LRP1B: variants seen among roughly 807,000 people sequenced by gnomAD.
LRP1B encodes LDL receptor related protein 1B.
In LRP1B, 217 loss-of-function variants were observed where a neutral mutation model predicts 556.6. The observed-to-expected ratio is 0.39, with a 90% confidence interval of 0.35 to 0.44. The LOEUF is 0.44. Ranked by LOEUF, LRP1B falls within the 20% of genes least tolerant of loss-of-function variation. The pLI is 1.00. For synonymous variants in LRP1B, 2,047 were observed against 1,865.8 expected, an observed-to-expected ratio of 1.10 and a Z score of -2.50; for missense variants, 5,053 against 5,620.8, an observed-to-expected ratio of 0.90 and a Z score of 3.23.
chr2:140,725,360 C>T (rs561178043), intron 35 of LRP1B, among the ~76,000 whole-genome samples: 27 of 151,856 alleles, frequency 1.8e-4, no homozygotes, highest in African/African-American at 5.8e-4. Context: ...CACTCTCCCA[C>T]CCATATTGAT....
chr2:141,974,148 C>T (rs1701819753), intron 1 of LRP1B, among the ~76,000 whole-genome samples: 1 of 151,962 alleles, frequency 6.6e-6, no homozygotes, highest in Non-Finnish European at 1.5e-5. Flanking sequence ...TAATTAGGAG[C>T]TTCCTTCTGA....
intron 1 of LRP1B, among the ~76,000 whole-genome samples, chr2:141,822,935 G>A (rs1696803553): frequency 6.6e-6 from 1 of 152,180 alleles, no homozygotes; most frequent in South Asian, 2.1e-4. Flanking sequence ...TGCTGGAAGA[G>A]CAATGAAAAT....
At chr2:142,030,269 A>G (rs1359148173) in intron 1 of LRP1B, among the ~76,000 whole-genome samples, 2 of 151,942 alleles carry the variant, frequency 1.3e-5, no homozygotes, top group Non-Finnish European at 2.9e-5. Context: ...TAAAAGGATG[A>G]GTCATTAAAA....
At chr2:140,636,556 C>T (rs919457274) in intron 41 of LRP1B, among the ~76,000 whole-genome samples, 25 of 152,080 alleles carry the variant, frequency 1.6e-4, no homozygotes, top group African/African-American at 6.0e-4. Flanking sequence ...ACTTAAATCT[C>T]ATTGTCTATT....
At chr2:140,567,447 C>A (rs1455494089) in intron 43 of LRP1B, among the ~76,000 whole-genome samples, 1 of 152,162 alleles carries the variant, frequency 6.6e-6, no homozygotes, top group East Asian at 1.9e-4. Context: ...TCCAGAGAAT[C>A]CTTTCTTCCT....
chr2:140,425,824 T>A (rs1363740539), intron 66 of LRP1B, among the ~76,000 whole-genome samples: 1 of 152,044 alleles, frequency 6.6e-6, no homozygotes, highest in Non-Finnish European at 1.5e-5. Flanking sequence ...GTTGTGAGAA[T>A]TAAATAATAT....
In LRP1B at chr2:141,303,331, T is replaced by C. The variant is rs1573776685; in HGVS notation, c.344-48690A>G. On this transcript the variant is annotated intron_variant, in intron 3 of 90. Transcript: ENST00000389484. Reference sequence around the variant, plus strand: ...TTATTTTGAAATACACAATACATTGTTGTAAACTGTATTCACTCTACTCTG... The same window carrying C: ...TTATTTTGAAATACACAATACATTGCTGTAAACTGTATTCACTCTACTCTG... Among the ~76,000 whole-genome samples the C allele has an allele frequency of 2.6e-5, 4 of 152,226 alleles. No individual in the cohort carries two copies. In the East Asian group the frequency reaches 7.7e-4, roughly 29 times the overall value.
chr2:141,475,834 T>C (rs1682685126), intron 3 of LRP1B, among the ~76,000 whole-genome samples: 1 of 152,094 alleles, frequency 6.6e-6, no homozygotes. Flanking sequence ...CACCATCCCT[T>C]TTCCAGCTTC....
chr2:142,078,048 A>G (rs1368519850), intron 1 of LRP1B, among the ~76,000 whole-genome samples: 4 of 152,074 alleles, frequency 2.6e-5, no homozygotes, highest in Non-Finnish European at 5.9e-5. Flanking sequence ...CACCTGCTAA[A>G]CATTCTTTAT....
chr2:141,254,439 T>G, intron 4 of LRP1B, 83 bp downstream of exon 4: 3 of 1,346,010 alleles, frequency 2.2e-6, no homozygotes, highest in Non-Finnish European at 2.1e-6. Flanking sequence ...GAGCACATGG[T>G]AGGTGCTCAA....
intron 60 of LRP1B, among the ~76,000 whole-genome samples, chr2:140,474,806 T>C (rs1363192114): frequency 6.6e-6 from 1 of 152,032 alleles, no homozygotes; most frequent in Non-Finnish European, 1.5e-5. Context: ...TTTGCAGTAA[T>C]AGCCTCATAT....
chr2:141,322,100 T>A (rs764989293), intron 3 of LRP1B, among the ~76,000 whole-genome samples: 7 of 152,206 alleles, frequency 4.6e-5, no homozygotes, highest in Non-Finnish European at 1.0e-4. Context: ...GAAATTATTG[T>A]TAATGTTTGA....
chr2:141,031,100 G>A (rs1391712725), intron 11 of LRP1B, among the ~76,000 whole-genome samples: 1 of 151,802 alleles, frequency 6.6e-6, no homozygotes, highest in Non-Finnish European at 1.5e-5. Context: ...CTTCACAAAT[G>A]CTACTGTTAT....
intron 2 of LRP1B, among the ~76,000 whole-genome samples, chr2:141,656,534 C>T (rs1418621689): frequency 6.6e-6 from 1 of 152,062 alleles, no homozygotes; most frequent in African/African-American, 2.4e-5. Flanking sequence ...ATTTTTATTT[C>T]TATACCTGGT....
At chr2:140,904,379 T>C (rs941465707) in intron 22 of LRP1B, among the ~76,000 whole-genome samples, 64 of 152,140 alleles carry the variant, frequency 4.2e-4, no homozygotes, top group African/African-American at 1.5e-3. Context: ...TTTCAAACCC[T>C]ATTTAATTGT....
At chr2:141,327,576 A>G (rs1461303562) in intron 3 of LRP1B, among the ~76,000 whole-genome samples, 2 of 152,204 alleles carry the variant, frequency 1.3e-5, no homozygotes, top group African/African-American at 2.4e-5. Flanking sequence ...TGTTATGCCT[A>G]TTCCACCAAG....
intron 1 of LRP1B, among the ~76,000 whole-genome samples, chr2:141,811,902 G>A (rs1371049210): frequency 6.6e-6 from 1 of 152,042 alleles, no homozygotes; most frequent in African/African-American, 2.4e-5. Flanking sequence ...GGAAGAGACA[G>A]GCTGAGACAA....
At position 140,314,529 on chromosome 2, in the gene LRP1B, C is replaced by G. The variant is rs80287624; in HGVS notation, c.12805+406G>C. On this transcript the variant is annotated intron_variant, in intron 83 of 90. Coordinates refer to ENST00000389484, the MANE Select transcript of LRP1B (RefSeq NM_018557.3). ...CAGGATGCTATCAGATTCTCTGTTA[C>G]AGTTTATTTACATTTAAAATAATCC... Among the ~76,000 whole-genome samples the G allele has an allele frequency of 5.5e-3, 831 of 152,186 alleles. 7 individuals carry two copies. The highest frequency in any genetic ancestry group is 0.044 in the Middle Eastern group (13 of 294).
At chr2:141,754,724 G>T (rs1399641800) in intron 2 of LRP1B, among the ~76,000 whole-genome samples, 1 of 152,042 alleles carries the variant, frequency 6.6e-6, no homozygotes, top group African/African-American at 2.4e-5. Flanking sequence ...GACCAAATTG[G>T]ACTAGACGAA....
Sources: allele counts gnomAD v4.1 joint callset (sites outside exome capture counted in the v4.1 genomes callset), GRCh38; gene constraint gnomAD v4.1.1; transcripts MANE v1.5; gene names NCBI Gene and HGNC (gene_info 2026-07-23, HGNC 2026-07-21).